The following GFI1B variants were observed in gnomAD, a reference collection of about 807,000 sequenced individuals.
The protein encoded by GFI1B is zinc finger protein Gfi-1b.
Under a neutral mutation model 35.3 loss-of-function variants are expected in GFI1B, and 20 were observed. The ratio of observed to expected loss-of-function variants is 0.57; its 90% CI spans 0.40 to 0.82. The LOEUF (loss-of-function observed/expected upper bound fraction) is 0.82, where lower values mean the gene tolerates loss of function less well. Ranked by LOEUF, GFI1B falls within the 40% of genes least tolerant of loss-of-function variation. The probability of loss-of-function intolerance (pLI) is 0.00; values close to 1 mark genes in which losing one functional copy is unlikely to be tolerated. For synonymous variants in GFI1B, 178 were observed against 177.6 expected (o/e 1.00, Z -0.02); for missense variants, 430 against 446.3 (o/e 0.96, Z 0.33).
upstream of GFI1B, among the ~76,000 whole-genome samples, chr9:132,974,134 A>G (rs555403690): frequency 1.3e-5 from 2 of 152,182 alleles, no homozygotes; most frequent in Non-Finnish European, 2.9e-5. Flanking sequence ...AGAGAGAGTC[A>G]TTCATTCATT....
chr9:132,963,893 A>G (rs1042943199), intron 1 of GFI1B: 1 of 152,204 alleles, frequency 6.6e-6, no homozygotes, highest in Admixed American at 6.5e-5. Context: ...AAGAACCAAG[A>G]TTTCCAATGT....
At chr9:132,983,411 G>A (rs1044453197) in intron 1 of GFI1B, among the ~76,000 whole-genome samples, 2 of 151,996 alleles carry the variant, frequency 1.3e-5, no homozygotes, top group African/African-American at 4.8e-5. Flanking sequence ...TGGCTAGGCT[G>A]GTCTCGAACT....
chr9:132,982,052 C>A (rs1432920291), intron 1 of GFI1B, among the ~76,000 whole-genome samples: 1 of 152,222 alleles, frequency 6.6e-6, no homozygotes, highest in Non-Finnish European at 1.5e-5. Context: ...CACGCCCGGC[C>A]TCCCTTGAGT....
chr9:132,956,349 T>A (rs751634264), intron 1 of GFI1B, among the ~76,000 whole-genome samples: 1 of 152,238 alleles, frequency 6.6e-6, no homozygotes, highest in African/African-American at 2.4e-5. Context: ...TAGAGAACTG[T>A]CATTTCCGTG....
chr9:132,949,977 T>C (rs1848176422), intron 1 of GFI1B, among the ~76,000 whole-genome samples: 1 of 152,042 alleles, frequency 6.6e-6, no homozygotes, highest in Non-Finnish European at 1.5e-5. Context: ...CCAGACACAG[T>C]GGCATGCAGC....
intron 1 of GFI1B, chr9:132,953,056 A>G (rs956210359): frequency 1.3e-5 from 2 of 152,348 alleles, no homozygotes; most frequent in South Asian, 2.1e-4. Flanking sequence ...ATTGGAATGT[A>G]TAGACTATTT....
chr9:132,952,651 T>C (rs1455337183), intron 1 of GFI1B: 1 of 152,204 alleles, frequency 6.6e-6, no homozygotes, highest in African/African-American at 2.4e-5. Context: ...GTCTTTCCCT[T>C]TTTATAGTGT....
chr9:132,956,485 G>T (rs1284339877), intron 1 of GFI1B, among the ~76,000 whole-genome samples: 1 of 152,168 alleles, frequency 6.6e-6, no homozygotes. Context: ...ATATCCTAAA[G>T]GTGCCAGTCC....
intron 1 of GFI1B, among the ~76,000 whole-genome samples, chr9:132,979,070 T>TC: frequency 6.6e-6 from 1 of 152,100 alleles, no homozygotes; most frequent in East Asian, 1.9e-4. Flanking sequence ...GAAACACTTT[T>TC]CAAAATTTGA....
rs796258812 is a variant in GFI1B, at chr9:132,948,872, T to C, written c.-701+3203T>C. Among the ~76,000 whole-genome samples the C allele has an allele frequency of 2.0e-4, 31 of 152,266 alleles. 1 individual carries two copies. Among genetic ancestry groups the C allele is most frequent in the African/African-American group, 7.5e-4 (31 of 41,552 alleles). ...TCCGTTTGCCCTTCTCTGTCTGGGC[T>C]CCCCTCTGAGCCACACCCGCTAAGC... On this transcript the variant is annotated intron_variant, in intron 1 of 10. Coordinates refer to the GFI1B transcript ENST00000339463.
At chr9:132,977,184 C>T (rs7872679), upstream of GFI1B, among the ~76,000 whole-genome samples, 37,155 of 152,014 alleles carry the variant, frequency 0.24, 5,055 homozygotes, top group East Asian at 0.49. Flanking sequence ...CTTGAACTCC[C>T]GATCTCAAGT....
chr9:132,988,891 C>A (rs1289230309), intron 4 of GFI1B, among the ~76,000 whole-genome samples, 170 bp from the exon 5 acceptor site: 1 of 152,050 alleles, frequency 6.6e-6, no homozygotes, highest in Non-Finnish European at 1.5e-5. Context: ...GAGAGGCAAA[C>A]GGACCTCCCT....
intron 1 of GFI1B, chr9:132,953,153 T>C (rs573352727): frequency 1.3e-5 from 2 of 152,360 alleles, no homozygotes; most frequent in South Asian, 4.1e-4. Context: ...CTTTGTTCCT[T>C]TCTTTTGTCT....
chr9:132,971,993 G>T (rs1848539520), intron 1 of GFI1B, among the ~76,000 whole-genome samples: 1 of 144,152 alleles, frequency 6.9e-6, no homozygotes, highest in African/African-American at 2.5e-5. Context: ...AAAAAAATTG[G>T]GTTGGGTGTG....
chr9:132,966,141 T>G (rs1456218430), intron 1 of GFI1B, among the ~76,000 whole-genome samples: 1 of 152,290 alleles, frequency 6.6e-6, no homozygotes, highest in South Asian at 2.1e-4. Flanking sequence ...GGAGAACCGC[T>G]GGTGTTCAGG....
intron 1 of GFI1B, among the ~76,000 whole-genome samples, chr9:132,966,916 G>A (rs966214817): frequency 6.6e-6 from 1 of 152,208 alleles, no homozygotes; most frequent in African/African-American, 2.4e-5. Flanking sequence ...TGTTTATTCA[G>A]GAATAGGCAT....
chr9:132,981,516 T>C (rs12685399), intron 1 of GFI1B, among the ~76,000 whole-genome samples: 18,757 of 152,034 alleles, frequency 0.12, 1,643 homozygotes, highest in East Asian at 0.35. Flanking sequence ...TGCATGCCTG[T>C]AGTCCCAGCT....
At chr9:132,978,580 A>C (rs918984183), upstream of GFI1B, 1 of 152,226 alleles carries the variant, frequency 6.6e-6, no homozygotes, top group African/African-American at 2.4e-5. Context: ...GAAAGTTTTG[A>C]TAAGCAAATA....
chr9:132,988,933 C>A (rs1849180465), intron 4 of GFI1B, 128 bp from the exon 5 acceptor site: 1 of 871,232 alleles, frequency 1.1e-6, no homozygotes, highest in Admixed American at 1.9e-5. Context: ...GCAGAACTGG[C>A]AATCCAGTGC....
Sources: gnomAD v4.1 joint callset for allele counts (sites outside exome capture counted in the v4.1 genomes callset) on GRCh38, gnomAD v4.1.1 for gene constraint, MANE v1.5 for transcripts, NCBI Gene and HGNC (gene_info 2026-07-23, HGNC 2026-07-21) for gene names.